CSMD2: variants seen among roughly 807,000 people sequenced by gnomAD.
CSMD2 encodes the protein CUB and sushi domain-containing protein 2.
CSMD2 carries 130 observed loss-of-function variants against 398.5 expected under a neutral mutation model. The observed-to-expected ratio is 0.33, with a 90% confidence interval of 0.28 to 0.38. The LOEUF (loss-of-function observed/expected upper bound fraction) is 0.38. Among genes scored for constraint, CSMD2 ranks in the 10% least tolerant of loss-of-function variants. The probability of loss-of-function intolerance (pLI) is 1.00; values close to 1 mark genes in which losing one functional copy is unlikely to be tolerated. For missense variants in CSMD2, 3,829 were observed against 4,764.9 expected (o/e 0.80, Z 5.78); for synonymous variants, 1,828 against 1,908.5 (o/e 0.96, Z 1.10).
intron 17 of CSMD2, 103 bp downstream of exon 17, chr1:33,725,246 G>T: frequency 1.0e-6 from 1 of 954,156 alleles, no homozygotes; most frequent in East Asian, 2.5e-5. Flanking sequence ...GAACACCATG[G>T]GGATGGGGCC....
intron 3 of CSMD2, among the ~76,000 whole-genome samples, chr1:33,962,047 T>G (rs147901211): frequency 2.0e-3 from 298 of 152,282 alleles, no homozygotes; most frequent in African/African-American, 6.9e-3. Flanking sequence ...TAGTAAGGAC[T>G]CAATAAATGG....
chr1:33,944,615 G>C (rs1487916681), intron 3 of CSMD2, among the ~76,000 whole-genome samples: 1 of 152,226 alleles, frequency 6.6e-6, no homozygotes, highest in African/African-American at 2.4e-5. Context: ...CACACAGCTA[G>C]TAGGAGTAGT....
Position 34,072,813 on chromosome 1 carries a change from C to T in CSMD2, c.404+16164G>A, listed in dbSNP as rs1470122238. 2.6e-5 allele frequency among the ~76,000 whole-genome samples: 4 copies of T among 152,278 alleles called. No homozygotes were observed. In the South Asian group the frequency reaches 6.2e-4, roughly 24 times the overall value. On this transcript the variant is annotated intron_variant, in intron 2 of 70. Transcript: ENST00000373381. ...CCTGCTGCCAACCCCTCCCCCACCA[C>T]GTCTGCCCAGACCCTCCCTTTGGCA...
chr1:34,070,071 C>T (rs1390176529), intron 2 of CSMD2, among the ~76,000 whole-genome samples: 1 of 152,162 alleles, frequency 6.6e-6, no homozygotes, highest in Non-Finnish European at 1.5e-5. Context: ...ATCTATCCGG[C>T]ACTATCTAAT....
rs1043755134 is a variant in CSMD2 at position 33,519,386 on chromosome 1, C to T, written c.*53+79G>A. ...TGTGTCTATGTGGTGTGTGCGACTC[C>T]GTTGGGTGGAGCCCCTGGCACGCAT... On this transcript the variant is annotated intron_variant, in intron 70 of 70. Transcript: ENST00000373381. The surrounding 1 kb of genome is among the most constrained non-coding windows in gnomAD (Gnocchi z 5.6). 7.5e-5 allele frequency: 63 copies of T among 840,958 alleles called. 1 individual carries two copies. The highest frequency in any genetic ancestry group is 4.9e-4 in the South Asian group (31 of 63,738). The allele number at this position is 840,958 out of a possible 1,614,324, so 52.1% of individuals were successfully genotyped here. A position where few individuals can be genotyped will look rare whatever the true frequency, so the allele number is the denominator to read the frequency against.
intron 28 of CSMD2, among the ~76,000 whole-genome samples, chr1:33,651,950 C>T (rs1643779782): frequency 6.6e-6 from 1 of 151,874 alleles, no homozygotes; most frequent in African/African-American, 2.4e-5. Flanking sequence ...GACCCAAGCC[C>T]GCCTGTTTAT....
rs1046287319 is a variant in CSMD2 at position 33,679,202 on chromosome 1, T to C, written c.4052+13728A>G. On this transcript the variant is annotated intron_variant, in intron 25 of 70. Coordinates refer to ENST00000373381, the MANE Select transcript of CSMD2 (RefSeq NM_001281956.2). ...GACCTGGGTTCAAATTGCAGTTGTT[T>C]TTTTTTTTTTTTTTTTTTGAGATAG... Among the ~76,000 whole-genome samples the C allele has an allele frequency of 2.4e-3, 342 of 144,468 alleles. 13 individuals carry two copies. In the South Asian group the frequency reaches 0.051, roughly 21 times the overall value. 94.8% of individuals were successfully genotyped at this position (144,468 alleles called of 152,430 possible).
At chr1:34,127,141 C>G (rs866985587) in intron 1 of CSMD2, among the ~76,000 whole-genome samples, 4 of 152,074 alleles carry the variant, frequency 2.6e-5, no homozygotes, top group African/African-American at 9.7e-5. Context: ...AGTGAGACAC[C>G]AAGAAGCCAC....
chr1:33,639,206 G>A (rs771320877), intron 29 of CSMD2, among the ~76,000 whole-genome samples: 12 of 152,206 alleles, frequency 7.9e-5, no homozygotes, highest in Non-Finnish European at 1.5e-4. Context: ...GCATGGTAGA[G>A]TAGGGAGACA....
At chr1:33,936,034 TC>T in intron 3 of CSMD2, 80 bp from the exon 4 acceptor site, 7 of 1,238,358 alleles carry the variant, frequency 5.7e-6, no homozygotes, top group Non-Finnish European at 7.9e-6. Flanking sequence ...TAGTAGCAAC[TC>T]CCTAGGCCAC....
chr1:33,809,703 AG>A (rs1332769183), intron 10 of CSMD2, among the ~76,000 whole-genome samples: 1 of 151,090 alleles, frequency 6.6e-6, no homozygotes, highest in African/African-American at 2.4e-5. Flanking sequence ...AAAATAAAAA[AG>A]AAAAGGTATA....
At chr1:33,765,419 T>C (rs1282811065) in intron 13 of CSMD2, among the ~76,000 whole-genome samples, 2 of 152,334 alleles carry the variant, frequency 1.3e-5, no homozygotes, top group South Asian at 2.1e-4. Flanking sequence ...TAGACTTAAC[T>C]ACATTTGAGG....
intron 13 of CSMD2, chr1:33,772,161 G>A (rs1219227263): frequency 2.5e-5 from 4 of 159,978 alleles, no homozygotes; most frequent in Non-Finnish European, 5.4e-5. Flanking sequence ...ACAGTTACTG[G>A]AGGCTGGTGG....
chr1:33,948,454 C>A (rs1644904962), intron 3 of CSMD2, among the ~76,000 whole-genome samples: 1 of 152,172 alleles, frequency 6.6e-6, no homozygotes, highest in East Asian at 1.9e-4. Context: ...TTACAAGAGA[C>A]ATGCACACAT....
At chr1:33,557,615 C>G (rs1304994637) in intron 55 of CSMD2, 119 bp downstream of exon 55, 1 of 830,514 alleles carries the variant, frequency 1.2e-6, no homozygotes, top group Non-Finnish European at 1.8e-6. Flanking sequence ...CATACATGTG[C>G]AGACACACAC....
Position 33,918,172 on chromosome 1 carries a change from G to A in CSMD2, c.842C>T (p.Ala281Val). ...TILAELGDTI[A>V]LVFIDFQLED... ...CAGCTGGAAGTCAATAAACACCAGG[G>A]CGATGGTGTCCCCCAGCTCAGCCAG... is the stretch of plus-strand genomic sequence containing the variant. The change falls in exon 5 of 71, where the codon GCC (alanine) becomes GTC (valine). Residue 281 changes from alanine to valine, a missense_variant. This residue lies in a region of CSMD2 where 2,001 missense variants were observed against 2,567.1 expected (regional missense o/e 0.78). Transcript: ENST00000373381. The A allele has an allele frequency of 2.5e-6, 4 of 1,614,164 alleles. No homozygotes were observed. Among genetic ancestry groups the A allele is most frequent in the Non-Finnish European group, 3.4e-6 (4 of 1,180,030 alleles).
At chr1:33,926,477 G>A (rs1034757818) in intron 4 of CSMD2, among the ~76,000 whole-genome samples, 6 of 152,170 alleles carry the variant, frequency 3.9e-5, no homozygotes, top group Admixed American at 3.3e-4. Flanking sequence ...TCCTCTGAAG[G>A]CGGCACCTTT....
At chr1:33,997,766 CCA>C (rs59738400) in intron 3 of CSMD2, among the ~76,000 whole-genome samples, 6,651 of 152,236 alleles carry the variant, frequency 0.044, 204 homozygotes, top group East Asian at 0.15. Context: ...CATCTTCCCA[CCA>C]CAGTTAGCTA....
At chr1:33,605,213 T>A in intron 42 of CSMD2, 69 bp downstream of exon 42, 1 of 1,419,740 alleles carries the variant, frequency 7.0e-7, no homozygotes, top group Non-Finnish European at 9.7e-7. Context: ...AGGTGGAACA[T>A]GGGATTGCTC....
Sources: allele counts gnomAD v4.1 joint callset (sites outside exome capture counted in the v4.1 genomes callset), GRCh38; gene constraint gnomAD v4.1.1; regional missense constraint gnomAD v4.1.1; non-coding constraint Gnocchi (gnomAD v3.1); transcripts MANE v1.5; gene names NCBI Gene and HGNC (gene_info 2026-07-23, HGNC 2026-07-21).